CSMD3: variants seen among roughly 807,000 people sequenced by gnomAD.
CSMD3 encodes CUB and sushi domain-containing protein 3.
In CSMD3, 177 loss-of-function variants were observed where a neutral mutation model predicts 435.2. The ratio of observed to expected loss-of-function variants is 0.41; its 90% confidence interval spans 0.36 to 0.46. The LOEUF (loss-of-function observed/expected upper bound fraction) is 0.46. CSMD3 is among the 20% of genes least tolerant of loss of function. The probability of loss-of-function intolerance (pLI) is 0.34; values close to 1 mark genes in which losing one functional copy is unlikely to be tolerated. For missense variants in CSMD3, 4,265 were observed against 4,504.6 expected, an observed-to-expected ratio of 0.95 and a Z score of 1.52; for synonymous variants, 1,656 against 1,520.5, an observed-to-expected ratio of 1.09 and a Z score of -2.07.
intron 57 of CSMD3, among the ~76,000 whole-genome samples, chr8:112,288,032 A>AAG (rs143895303): frequency 0.012 from 1,810 of 149,670 alleles, 21 homozygotes; most frequent in Non-Finnish European, 0.015. Context: ...GCTAGAGAGA[A>AAG]AGAGAGAGAG....
At chr8:112,292,261 AGAGAG>A (rs1277314574) in intron 55 of CSMD3, among the ~76,000 whole-genome samples, 3 of 152,136 alleles carry the variant, frequency 2.0e-5, no homozygotes, top group African/African-American at 7.2e-5. Flanking sequence ...GATACAAATA[AGAGAG>A]TTAGAAATTA....
chr8:112,423,398 A>G (rs1471432812), intron 32 of CSMD3, among the ~76,000 whole-genome samples: 1 of 152,162 alleles, frequency 6.6e-6, no homozygotes, highest in Non-Finnish European at 1.5e-5. Flanking sequence ...CATTTTTATT[A>G]AATTAGTTAC....
At chr8:113,064,084 CAAT>C (rs1382748622) in intron 5 of CSMD3, among the ~76,000 whole-genome samples, 2 of 150,672 alleles carry the variant, frequency 1.3e-5, no homozygotes, top group African/African-American at 4.9e-5. Context: ...ATTATAGTTA[CAAT>C]GACAGAAACT....
rs528534654 is a variant in CSMD3 at position 112,887,256 on chromosome 8, A to C, written c.1634-27990T>G. Among the ~76,000 whole-genome samples the C allele has an allele frequency of 2.0e-5, 3 of 149,446 alleles. No homozygotes were observed. In the South Asian group the frequency reaches 6.3e-4, roughly 32 times the overall value. ...GTAACTGGGATTAGAGAAGTTAAATAACTCACCCATGCTCATTTGAACCCA... is the reference window on the plus strand; with the variant it reads ...GTAACTGGGATTAGAGAAGTTAAATCACTCACCCATGCTCATTTGAACCCA... On this transcript the variant is annotated intron_variant, in intron 10 of 70. Transcript: ENST00000297405.
intron 1 of CSMD3, chr8:113,376,878 G>GA (rs769457532): frequency 3.3e-5 from 53 of 1,608,700 alleles, no homozygotes; most frequent in Non-Finnish European, 4.5e-5. Flanking sequence ...TCTGGAAGAT[G>GA]AAGCTTCCTG....
At position 112,757,358 on chromosome 8, in the gene CSMD3, G is replaced by A. The variant is rs937988219; in HGVS notation, c.1972+42804C>T. 4.6e-5 allele frequency among the ~76,000 whole-genome samples: 7 copies of A among 151,900 alleles called. No homozygotes were observed. In the East Asian group the frequency reaches 7.7e-4, roughly 17 times the overall value. On this transcript the variant is annotated intron_variant, in intron 13 of 70. Coordinates refer to ENST00000297405, the MANE Select transcript of CSMD3 (RefSeq NM_198123.2). ...TTCAAGTGCAAATAATTATTGTGAC[G>A]ATGTTATATGTGCATATATATTTAG...
rs180956142 is a variant in CSMD3 at position 112,796,553 on chromosome 8, C to A, written c.1972+3609G>T. ...TGCTCTAATGTTCCTTAAGCTAAGA[C>A]AAAGTTGAAAATATATCCAAAAAGT... On this transcript the variant is annotated intron_variant, in intron 13 of 70. Coordinates refer to ENST00000297405, the MANE Select transcript of CSMD3 (RefSeq NM_198123.2). Among the ~76,000 whole-genome samples, 110 of 152,082 alleles carry A rather than the reference C, an allele frequency of 7.2e-4. 3 individuals carry two copies. Among genetic ancestry groups the A allele is most frequent in the Admixed American group, 5.7e-3 (87 of 15,250 alleles).
At chr8:113,309,944 C>G (rs2132645275) in intron 2 of CSMD3, 1 of 152,250 alleles carries the variant, frequency 6.6e-6, no homozygotes, top group South Asian at 2.1e-4. Context: ...TTTGGGAAAG[C>G]TTTTGATTTA....
chr8:113,253,221 A>C (rs75768229), intron 3 of CSMD3, among the ~76,000 whole-genome samples: 8 of 120,286 alleles, frequency 6.7e-5, no homozygotes, highest in Middle Eastern at 5.1e-3. Context: ...GTTAGCTGAC[A>C]AAAAAAAACT....
chr8:112,283,605 A>C (rs1818884402), intron 58 of CSMD3, among the ~76,000 whole-genome samples: 1 of 151,612 alleles, frequency 6.6e-6, no homozygotes, highest in Non-Finnish European at 1.5e-5. Flanking sequence ...TTTTTCTTAC[A>C]TAAAATTACA....
At chr8:112,390,226 A>G (rs1301605576) in intron 36 of CSMD3, among the ~76,000 whole-genome samples, 1 of 152,206 alleles carries the variant, frequency 6.6e-6, no homozygotes, top group African/African-American at 2.4e-5. Flanking sequence ...TACATAACAT[A>G]GGGACATTCT....
chr8:112,415,683 G>C (rs1811832269), intron 32 of CSMD3, among the ~76,000 whole-genome samples: 1 of 152,190 alleles, frequency 6.6e-6, no homozygotes, highest in Non-Finnish European at 1.5e-5. Flanking sequence ...CAGGATGGGG[G>C]TTTTACCCTG....
intron 3 of CSMD3, among the ~76,000 whole-genome samples, chr8:113,231,689 ACTTT>A (rs1382085286): frequency 6.6e-6 from 1 of 151,522 alleles, no homozygotes; most frequent in Non-Finnish European, 1.5e-5. Context: ...CATATATTGT[ACTTT>A]CTGACAGGCA....
chr8:113,100,922 G>A lies in CSMD3; in HGVS notation c.710-1959C>T, dbSNP rs73340235. 8.2e-3 allele frequency among the ~76,000 whole-genome samples: 1,253 copies of A among 152,188 alleles called. 29 individuals carry two copies. The highest frequency in any genetic ancestry group is 0.029 in the African/African-American group (1,186 of 41,548). On this transcript the variant is annotated intron_variant, in intron 4 of 70. Transcript: ENST00000297405. The stretch of plus-strand genomic sequence containing the variant: ...GCAGATGGAGCAGAGGTGGGGCAGA[G>A]GTGAGATGGAGAAGTCGGTCTCCTT...
chr8:113,436,801 C>T lies in CSMD3; in HGVS notation c.54G>A (p.Glu18=), dbSNP rs2130156943. ...ATTTAGCGCATCTTCGCTTGCCAGG[C>T]TCCCAGGGTTTGGATTCCTTTGCTC... The part of the protein sequence containing the change: ...ESRAKESKPW[E]PGKRRCAKCG... Residue 18 remains glutamate (E), a synonymous_variant, in exon 1 of 71, where the codon GAG becomes GAA. Coordinates refer to ENST00000297405, the MANE Select transcript of CSMD3 (RefSeq NM_198123.2). 6.2e-7 allele frequency: 1 copy of T among 1,614,176 alleles called. No homozygotes were observed. The highest frequency in any genetic ancestry group is 1.3e-5 in the African/African-American group (1 of 75,036).
intron 22 of CSMD3, among the ~76,000 whole-genome samples, chr8:112,618,862 C>T (rs1833852623): frequency 6.6e-6 from 1 of 152,014 alleles, no homozygotes; most frequent in Non-Finnish European, 1.5e-5. Flanking sequence ...TCTTTTTGGG[C>T]TTAATTCACT....
At chr8:112,710,596 G>A (rs1259375767) in intron 13 of CSMD3, among the ~76,000 whole-genome samples, 1 of 151,652 alleles carries the variant, frequency 6.6e-6, no homozygotes, top group African/African-American at 2.4e-5. Flanking sequence ...TTGTATTAAG[G>A]TTTGGAGTAA....
intron 16 of CSMD3, among the ~76,000 whole-genome samples, chr8:112,670,107 A>AT (rs1465626683): frequency 6.6e-6 from 1 of 152,182 alleles, no homozygotes; most frequent in African/African-American, 2.4e-5. Flanking sequence ...TAAATGTTTC[A>AT]TAGAAGAGAT....
In CSMD3 at chr8:112,487,261, G is replaced by C. The variant is rs998096624; in HGVS notation, c.5278+5228C>G. On this transcript the variant is annotated intron_variant, in intron 31 of 70. Transcript: ENST00000297405. ...GTCCTGGGAGCTCTGAGGAGCACGG[G>C]GAGGGTAAATAGGAATTTTCTTCTA... Among the ~76,000 whole-genome samples, 5 of 152,248 alleles carry C rather than the reference G, an allele frequency of 3.3e-5. No homozygotes were observed. In the South Asian group the frequency reaches 1.0e-3, roughly 32 times the overall value.
Sources: gnomAD v4.1 joint callset for allele counts (sites outside exome capture counted in the v4.1 genomes callset) on GRCh38, gnomAD v4.1.1 for gene constraint, MANE v1.5 for transcripts, NCBI Gene and HGNC (gene_info 2026-07-23, HGNC 2026-07-21) for gene names.